CARD19: variants seen among roughly 807,000 people sequenced by gnomAD.
CARD19 encodes caspase recruitment domain family member 19.
CARD19 carries 25 observed loss-of-function variants against 24.1 expected under a neutral mutation model. The observed-to-expected ratio is 1.04, with a 90% CI of 0.76 to 1.45. The LOEUF is 1.45. CARD19 is among the 40% of genes most tolerant of loss of function. The pLI is 0.00. For missense variants in CARD19, 241 were observed against 247.4 expected, an observed-to-expected ratio of 0.97 and a Z score of 0.17; for synonymous variants, 103 against 104.9, an observed-to-expected ratio of 0.98 and a Z score of 0.11.
At chr9:93,111,694 G>A in intron 3 of CARD19, 185 bp from the exon 4 acceptor site, 1 of 1,420,786 alleles carries the variant, frequency 7.0e-7, no homozygotes, top group Non-Finnish European at 9.2e-7. Context: ...CCGTCCAGGA[G>A]TTGGAGCAGA....
In CARD19 at chr9:93,110,745, G is replaced by A. The variant is rs766960494; in HGVS notation, c.304+24G>A. ...GCGTAAGTTCCACATCACCAACCAT[G>A]CATGCTTGGTGCTGGCCCGGGGAGG... On this transcript the variant is annotated intron_variant, in intron 3 of 5. Coordinates refer to ENST00000375464, the MANE Select transcript of CARD19 (RefSeq NM_032310.5). 3 of 1,603,518 alleles carry A rather than the reference G, an allele frequency of 1.9e-6. No individual in the cohort carries two copies. The South Asian group carries it at 3.3e-5, about 18-fold the overall frequency.
rs147485732 is a variant in CARD19, at chr9:93,101,836, A to G, written c.7+5484A>G. Among the ~76,000 whole-genome samples the G allele has an allele frequency of 7.5e-4, 107 of 142,348 alleles. 1 individual carries two copies. The East Asian group carries it at 0.014, about 19-fold the overall frequency. The allele number at this position is 142,348 out of a possible 152,430, so 93.4% of individuals were successfully genotyped here. A position where few individuals can be genotyped will look rare whatever the true frequency, so the allele number is the denominator to read the frequency against. The stretch of plus-strand genomic sequence containing the variant: ...TACATTTTCACCACTAATGCCAAAG[A>G]GTTTGAATTTCTCCATATCCTCACC... On this transcript the variant is annotated intron_variant, in intron 1 of 5. Transcript: ENST00000375464.
At chr9:93,100,269 G>T (rs1309904592) in intron 1 of CARD19, among the ~76,000 whole-genome samples, 1 of 152,182 alleles carries the variant, frequency 6.6e-6, no homozygotes, top group Non-Finnish European at 1.5e-5. Context: ...GAACCCAAGA[G>T]GGGGCCCCAC....
At chr9:93,101,838 T>C (rs1433931825) in intron 1 of CARD19, among the ~76,000 whole-genome samples, 1 of 136,484 alleles carries the variant, frequency 7.3e-6, no homozygotes. Flanking sequence ...TGCCAAAGAG[T>C]TTGAATTTCT....
At chr9:93,110,918 G>A (rs1405853198) in intron 3 of CARD19, 197 bp downstream of exon 3, 5 of 1,532,738 alleles carry the variant, frequency 3.3e-6, no homozygotes, top group East Asian at 2.4e-5. Context: ...CACAGGCAGT[G>A]CAGATGTTGG....
At chr9:93,106,760 C>T (rs1827279675) in intron 1 of CARD19, among the ~76,000 whole-genome samples, 1 of 151,838 alleles carries the variant, frequency 6.6e-6, no homozygotes. Context: ...TTTAGAGTCC[C>T]TTCTCAGTTT....
intron 2 of CARD19, chr9:93,110,184 C>T (rs145477392): frequency 7.2e-5 from 13 of 179,770 alleles, no homozygotes; most frequent in African/African-American, 3.1e-4. Flanking sequence ...TTAATAGAGT[C>T]GGGGGTTTCA....
At chr9:93,110,850 C>T in intron 3 of CARD19, 129 bp downstream of exon 3, 1 of 1,534,698 alleles carries the variant, frequency 6.5e-7, no homozygotes, top group Non-Finnish European at 8.7e-7. Flanking sequence ...GGCATCCCCT[C>T]TCGCCTCAGC....
chr9:93,102,018 G>A (rs1827102792), intron 1 of CARD19, among the ~76,000 whole-genome samples: 1 of 148,490 alleles, frequency 6.7e-6, no homozygotes, highest in East Asian at 2.0e-4. Context: ...CTGGAGTGCA[G>A]TGGCGCCATC....
intron 4 of CARD19, 85 bp downstream of exon 4, chr9:93,112,023 G>T: frequency 6.6e-7 from 1 of 1,515,676 alleles, no homozygotes. Context: ...TCCGCCTCAG[G>T]GGCTTCTCCA....
chr9:93,108,239 G>A (rs1827338348), intron 2 of CARD19, among the ~76,000 whole-genome samples: 2 of 152,178 alleles, frequency 1.3e-5, no homozygotes, highest in South Asian at 4.1e-4. Flanking sequence ...CAGATAATGG[G>A]CCCGGCCCAC....
chr9:93,102,906 G>A (rs1310877996), intron 1 of CARD19, among the ~76,000 whole-genome samples: 1 of 151,920 alleles, frequency 6.6e-6, no homozygotes, highest in Non-Finnish European at 1.5e-5. Flanking sequence ...AAATTGAGTT[G>A]TTTTCTTAAT....
rs983227111 is a variant in CARD19, at chr9:93,107,554, C to T, written c.8-120C>T. On this transcript the variant is annotated intron_variant, in intron 1 of 5. Coordinates refer to ENST00000375464, the MANE Select transcript of CARD19 (RefSeq NM_032310.5). ...GGATGGCTGTGATTCTGCAGGTTCA[C>T]CCTCCTGGTGGGAACCCACCTTGGG... The T allele has an allele frequency of 3.7e-5, 43 of 1,163,502 alleles. No individual in the cohort carries two copies. In the East Asian group the frequency reaches 9.8e-4, roughly 26 times the overall value. The allele number at this position is 1,163,502 out of a possible 1,614,324, so 72.1% of individuals were successfully genotyped here.
In CARD19 at chr9:93,102,357, A is replaced by G. The variant is rs566831857; in HGVS notation, c.8-5317A>G. On this transcript the variant is annotated intron_variant, in intron 1 of 5. Transcript: ENST00000375464. ...ATTCAAGTTCTTTGCCTATTTTTGA[A>G]TTGGGTTCTCTGTGTCTTTTGCTGT... Among the ~76,000 whole-genome samples the G allele has an allele frequency of 2.3e-3, 351 of 152,190 alleles. 1 individual carries two copies. Among genetic ancestry groups the G allele is most frequent in the Non-Finnish European group, 3.2e-3 (221 of 68,014 alleles).
chr9:93,113,147 A>G lies in CARD19; in HGVS notation c.*40A>G. ...AGGGCCTCACCTGCCACTCAACCAA[A>G]GAGTCCTCGAGCCGGCCCGCCAAGG... On this transcript the variant is annotated 3_prime_UTR_variant, in exon 6 of 6. Transcript: ENST00000375464. The G allele has an allele frequency of 7.4e-7, 1 of 1,349,324 alleles. No homozygotes were observed. Among genetic ancestry groups the G allele is most frequent in the Non-Finnish European group, 1.0e-6 (1 of 983,080 alleles). 83.6% of individuals were successfully genotyped at this position (1,349,324 alleles called of 1,614,324 possible).
intron 1 of CARD19, among the ~76,000 whole-genome samples, chr9:93,103,533 C>G (rs150319007): frequency 6.6e-6 from 1 of 152,194 alleles, no homozygotes; most frequent in African/African-American, 2.4e-5. Flanking sequence ...TATTTTATAT[C>G]TGCTGTTGAT....
rs1211533237 is a variant in CARD19 at position 93,110,500 on chromosome 9, G to T, written c.151-68G>T. ...AGCTGAGGCTGGGGGCCTGACCTTG[G>T]TGCCCTGCCCTGACCCACAGCCAGC... On this transcript the variant is annotated intron_variant, in intron 2 of 5. Transcript: ENST00000375464. 5.3e-6 allele frequency: 8 copies of T among 1,519,930 alleles called. No individual in the cohort carries two copies. The Admixed American group carries it at 1.3e-4, about 24-fold the overall frequency. 94.2% of individuals were successfully genotyped at this position (1,519,930 alleles called of 1,614,324 possible).
At chr9:93,103,966 TG>T (rs1827166282) in intron 1 of CARD19, among the ~76,000 whole-genome samples, 1 of 152,258 alleles carries the variant, frequency 6.6e-6, no homozygotes, top group South Asian at 2.1e-4. Flanking sequence ...ACATGCTTGT[TG>T]ACACATTCAA....
At position 93,112,191 on chromosome 9, in the gene CARD19, G is replaced by T. The variant is rs776399287; in HGVS notation, c.365-27G>T. The stretch of plus-strand genomic sequence containing the variant: ...CCCCACCCCTCTGAGGCCCAGGGGA[G>T]CCCTGTTCACGCTGGTTTCTCCCCA... On this transcript the variant is annotated intron_variant, in intron 4 of 5. Coordinates refer to ENST00000375464, the MANE Select transcript of CARD19 (RefSeq NM_032310.5). The T allele has an allele frequency of 1.4e-5, 22 of 1,542,636 alleles. No homozygotes were observed. In the South Asian group the frequency reaches 2.3e-4, roughly 16 times the overall value.
Sources: allele counts gnomAD v4.1 joint callset (sites outside exome capture counted in the v4.1 genomes callset), GRCh38; gene constraint gnomAD v4.1.1; transcripts MANE v1.5; gene names NCBI Gene and HGNC (gene_info 2026-07-23, HGNC 2026-07-21).